FRMD5: variants seen among roughly 807,000 people sequenced by gnomAD.
The protein encoded by FRMD5 is FERM domain containing 5.
Under a neutral mutation model 69.0 loss-of-function variants are expected in FRMD5, and 20 were observed. The observed-to-expected ratio is 0.29, with a 90% CI of 0.20 to 0.42. The LOEUF is 0.42. FRMD5 is among the 10% of genes least tolerant of loss of function. The pLI, the probability that FRMD5 is intolerant of heterozygous loss-of-function variation, is 1.00. For synonymous variants in FRMD5, 271 were observed against 260.1 expected (o/e 1.04, Z -0.40); for missense variants, 595 against 708.6 (o/e 0.84, Z 1.82).
intron 1 of FRMD5, among the ~76,000 whole-genome samples, chr15:44,147,149 T>C (rs1469716019): frequency 6.6e-6 from 1 of 152,218 alleles, no homozygotes; most frequent in Non-Finnish European, 1.5e-5. Flanking sequence ...TTAATTCATC[T>C]TGAGTTAATT....
chr15:43,906,541 G>T (rs962794081), intron 5 of FRMD5, among the ~76,000 whole-genome samples: 5 of 152,184 alleles, frequency 3.3e-5, no homozygotes, highest in Admixed American at 6.5e-5. Context: ...GAGGCCTACA[G>T]AGTGGGAAGC....
intron 1 of FRMD5, among the ~76,000 whole-genome samples, chr15:44,179,709 G>C (rs1409840884): frequency 6.6e-6 from 1 of 152,172 alleles, no homozygotes; most frequent in Non-Finnish European, 1.5e-5. Context: ...CAGAACATCT[G>C]TGCTAAAAGG....
intron 1 of FRMD5, among the ~76,000 whole-genome samples, chr15:44,186,990 T>A (rs1002576894): frequency 1.3e-5 from 2 of 152,170 alleles, no homozygotes; most frequent in Non-Finnish European, 2.9e-5. Flanking sequence ...GCCACTTAGG[T>A]TTGGGAACAG....
intron 1 of FRMD5, among the ~76,000 whole-genome samples, chr15:44,174,812 T>C (rs1381016361): frequency 6.6e-6 from 1 of 152,102 alleles, no homozygotes; most frequent in Non-Finnish European, 1.5e-5. Flanking sequence ...TCAATTTACC[T>C]CTCTGGGTCT....
At chr15:44,095,627 T>C (rs531487995) in intron 1 of FRMD5, among the ~76,000 whole-genome samples, 452 of 152,294 alleles carry the variant, frequency 3.0e-3, no homozygotes, top group Middle Eastern at 0.01. Flanking sequence ...TCTTCTTTCT[T>C]GCATTTTCTT....
chr15:43,953,540 T>C (rs1053880114), intron 1 of FRMD5, among the ~76,000 whole-genome samples: 6 of 152,258 alleles, frequency 3.9e-5, no homozygotes, highest in South Asian at 2.1e-4. Context: ...ATTGTAGACA[T>C]TGTTCTTTAC....
chr15:44,178,158 C>T (rs972991820), intron 1 of FRMD5, among the ~76,000 whole-genome samples: 1 of 152,038 alleles, frequency 6.6e-6, no homozygotes, highest in Non-Finnish European at 1.5e-5. Context: ...TCTATCTCTA[C>T]TAAAAACACA....
At chr15:44,196,791 T>C (rs2078309893), upstream of FRMD5, among the ~76,000 whole-genome samples, 1 of 137,250 alleles carries the variant, frequency 7.3e-6, no homozygotes, top group Admixed American at 7.9e-5. Flanking sequence ...CCCCTCTCCC[T>C]CCCCCTTTTT....
At chr15:44,117,058 T>C (rs2076879541) in intron 1 of FRMD5, among the ~76,000 whole-genome samples, 1 of 149,318 alleles carries the variant, frequency 6.7e-6, no homozygotes, top group Non-Finnish European at 1.5e-5. Flanking sequence ...TGAGCTGAGA[T>C]CGCACCATTG....
intron 10 of FRMD5, among the ~76,000 whole-genome samples, chr15:43,886,482 G>A (rs2088666838): frequency 2.0e-5 from 3 of 152,152 alleles, no homozygotes; most frequent in Non-Finnish European, 4.4e-5. Flanking sequence ...ACTTTCTCCT[G>A]GGTGACTTCA....
At chr15:43,888,319 T>C in intron 9 of FRMD5, 53 bp from the exon 10 acceptor site, 1 of 1,308,496 alleles carries the variant, frequency 7.6e-7, no homozygotes. Context: ...AAGCAAAGGG[T>C]GAAGTAGGCG....
At chr15:43,954,510 G>T (rs1295455554) in intron 1 of FRMD5, among the ~76,000 whole-genome samples, 1 of 152,194 alleles carries the variant, frequency 6.6e-6, no homozygotes, top group Non-Finnish European at 1.5e-5. Context: ...TAATAGTGAA[G>T]GGCAGGCATA....
At chr15:44,092,459 G>A (rs2076486624) in intron 1 of FRMD5, among the ~76,000 whole-genome samples, 1 of 152,154 alleles carries the variant, frequency 6.6e-6, no homozygotes, top group Non-Finnish European at 1.5e-5. Context: ...CACTGTGCTA[G>A]ACTCTAAAGA....
chr15:43,991,378 T>C (rs1889667661), intron 1 of FRMD5, among the ~76,000 whole-genome samples: 1 of 152,210 alleles, frequency 6.6e-6, no homozygotes, highest in Non-Finnish European at 1.5e-5. Context: ...GGCTTTGATG[T>C]ACGCAGCTCC....
intron 7 of FRMD5, among the ~76,000 whole-genome samples, chr15:43,899,344 G>T (rs1056454036): frequency 5.9e-5 from 9 of 152,154 alleles, no homozygotes; most frequent in African/African-American, 2.2e-4. Flanking sequence ...ACATGGCCCT[G>T]GGTGAGGAAG....
At chr15:43,969,751 T>C (rs915964873) in intron 1 of FRMD5, among the ~76,000 whole-genome samples, 2 of 152,310 alleles carry the variant, frequency 1.3e-5, no homozygotes, top group East Asian at 1.9e-4. Flanking sequence ...AGACAGAACA[T>C]ACGCCTTTGA....
At chr15:44,151,594 C>T (rs2077448477) in intron 1 of FRMD5, among the ~76,000 whole-genome samples, 1 of 151,908 alleles carries the variant, frequency 6.6e-6, no homozygotes, top group Non-Finnish European at 1.5e-5. Flanking sequence ...CAAAACAGTG[C>T]TAAAAGAAAT....
intron 1 of FRMD5, among the ~76,000 whole-genome samples, chr15:44,147,271 T>C (rs185573613): frequency 3.4e-4 from 52 of 152,294 alleles, no homozygotes; most frequent in African/African-American, 1.2e-3. Context: ...CTTGTTTTTG[T>C]CAGGCTTGTC....
chr15:43,910,086 C>T (rs1315462485), intron 4 of FRMD5, 107 bp from the exon 5 acceptor site: 7 of 578,040 alleles, frequency 1.2e-5, no homozygotes, highest in Non-Finnish European at 2.1e-5. Flanking sequence ...ACTTTTACTA[C>T]ATTAAAAAAA....
Sources: gnomAD v4.1 joint callset for allele counts (sites outside exome capture counted in the v4.1 genomes callset) on GRCh38, gnomAD v4.1.1 for gene constraint, MANE v1.5 for transcripts, NCBI Gene and HGNC (gene_info 2026-07-23, HGNC 2026-07-21) for gene names.